TRIM2: variants seen among roughly 807,000 people sequenced by gnomAD.
TRIM2 encodes the protein tripartite motif-containing protein 2.
In TRIM2, 20 loss-of-function variants were observed where a neutral mutation model predicts 75.2. The observed-to-expected ratio is 0.27, with a 90% CI of 0.19 to 0.39. The LOEUF is 0.39. Ranked by LOEUF, TRIM2 falls within the 10% of genes least tolerant of loss-of-function variation. The pLI is 1.00. For missense variants in TRIM2, 660 were observed against 990.8 expected, an observed-to-expected ratio of 0.67 and a Z score of 4.48; for synonymous variants, 373 against 388.3, an observed-to-expected ratio of 0.96 and a Z score of 0.46.
At chr4:153,219,371 C>T (rs1285725844) in intron 1 of TRIM2, among the ~76,000 whole-genome samples, 2 of 152,230 alleles carry the variant, frequency 1.3e-5, no homozygotes, top group East Asian at 3.9e-4. Context: ...CTTTATGGGT[C>T]CTGAGAACTT....
intron 2 of TRIM2, among the ~76,000 whole-genome samples, chr4:153,273,529 G>A (rs547100730): frequency 3.7e-4 from 53 of 142,064 alleles, no homozygotes; most frequent in African/African-American, 1.1e-3. Flanking sequence ...TCCTGCCCTC[G>A]TGATCCACCC....
chr4:153,328,788 T>C (rs1770813410), intron 11 of TRIM2, 118 bp downstream of exon 11: 7 of 1,138,382 alleles, frequency 6.1e-6, no homozygotes, highest in African/African-American at 3.2e-5. Flanking sequence ...CATAGAACCA[T>C]AGATACTCTC....
At chr4:153,310,197 T>C (rs1765948924) in intron 6 of TRIM2, 1 of 152,236 alleles carries the variant, frequency 6.6e-6, no homozygotes, top group African/African-American at 2.4e-5. Context: ...ATTCTTGTTA[T>C]TCATTCTACT....
chr4:153,294,505 A>G lies in TRIM2; in HGVS notation c.786+20A>G. The G allele has an allele frequency of 1.2e-6, 2 of 1,608,804 alleles. No homozygotes were observed. The highest frequency in any genetic ancestry group is 1.7e-6 in the Non-Finnish European group (2 of 1,176,496). On this transcript the variant is annotated intron_variant, in intron 5 of 11. Transcript: ENST00000338700. ...CACAAAGTAAGACCAGAATCATTACAGATGTCCTGGAAGAGACATGATATC... is the reference window on the plus strand; with the variant it reads ...CACAAAGTAAGACCAGAATCATTACGGATGTCCTGGAAGAGACATGATATC...
intron 3 of TRIM2, among the ~76,000 whole-genome samples, chr4:153,281,200 T>G (rs1269737998): frequency 1.3e-5 from 2 of 152,214 alleles, no homozygotes; most frequent in African/African-American, 4.8e-5. Context: ...GTATGTATGG[T>G]GAGACATTTT....
intron 1 of TRIM2, among the ~76,000 whole-genome samples, chr4:153,243,873 C>T (rs1307137731): frequency 1.4e-5 from 2 of 140,446 alleles, no homozygotes; most frequent in African/African-American, 5.3e-5. Context: ...GGAGAGAGAG[C>T]AGTGGCACAA....
At chr4:153,194,091 C>T (rs1346296567) in intron 1 of TRIM2, among the ~76,000 whole-genome samples, 2 of 151,872 alleles carry the variant, frequency 1.3e-5, no homozygotes, top group African/African-American at 2.4e-5. Flanking sequence ...CAGTGGCTTA[C>T]GCAAAACAAG....
intron 1 of TRIM2, among the ~76,000 whole-genome samples, chr4:153,181,584 C>T (rs984239822): frequency 5.3e-5 from 8 of 152,206 alleles, no homozygotes; most frequent in Admixed American, 2.6e-4. Flanking sequence ...ACAGCTCTGG[C>T]GTTCAACCTT....
At chr4:153,222,305 C>G (rs1012483871) in intron 1 of TRIM2, 2 of 152,120 alleles carry the variant, frequency 1.3e-5, no homozygotes, top group African/African-American at 4.8e-5. Context: ...CTCTCTCAGC[C>G]CCGTCAAGCT....
intron 1 of TRIM2, among the ~76,000 whole-genome samples, chr4:153,218,365 A>C (rs1739057596): frequency 6.6e-6 from 1 of 151,784 alleles, no homozygotes; most frequent in Non-Finnish European, 1.5e-5. Context: ...GCACCACCAC[A>C]CTCAGCTAAT....
intron 1 of TRIM2, among the ~76,000 whole-genome samples, chr4:153,157,649 C>T (rs1729358699): frequency 6.6e-6 from 1 of 152,154 alleles, no homozygotes; most frequent in South Asian, 2.1e-4. Context: ...TGATTCTTTT[C>T]CTGGAATCAT....
intron 1 of TRIM2, among the ~76,000 whole-genome samples, chr4:153,241,661 C>T (rs1294388181): frequency 6.6e-6 from 1 of 152,152 alleles, no homozygotes; most frequent in African/African-American, 2.4e-5. Context: ...GGAGCGGGAA[C>T]CTTGCATTAA....
intron 1 of TRIM2, among the ~76,000 whole-genome samples, chr4:153,255,516 A>G (rs1751865512): frequency 6.6e-6 from 1 of 152,224 alleles, no homozygotes; most frequent in Admixed American, 6.5e-5. Flanking sequence ...GTAGTAAGTC[A>G]GACACCTGTC....
chr4:153,331,339 A>G (rs1449403248), intron 11 of TRIM2, among the ~76,000 whole-genome samples: 1 of 152,196 alleles, frequency 6.6e-6, no homozygotes, highest in Non-Finnish European at 1.5e-5. Flanking sequence ...AAAAACAAAA[A>G]AAAATTATAT....
chr4:153,243,733 C>G (rs1295591486), intron 1 of TRIM2, among the ~76,000 whole-genome samples: 2 of 151,898 alleles, frequency 1.3e-5, no homozygotes, highest in Non-Finnish European at 2.9e-5. Context: ...GCTAGATAAG[C>G]AAATTCTTTA....
intron 1 of TRIM2, among the ~76,000 whole-genome samples, chr4:153,255,427 G>T (rs532678788): frequency 6.6e-6 from 1 of 152,300 alleles, no homozygotes; most frequent in South Asian, 2.1e-4. Context: ...GAATGTGCTG[G>T]GGGGCGGGGT....
chr4:153,294,537 C>T, intron 5 of TRIM2, 52 bp downstream of exon 5: 1 of 1,575,636 alleles, frequency 6.3e-7, no homozygotes, highest in Non-Finnish European at 8.6e-7. Flanking sequence ...TATCCAAGGG[C>T]ACTAGCTTAT....
chr4:153,231,844 A>G (rs1203618511), intron 1 of TRIM2, among the ~76,000 whole-genome samples: 1 of 152,140 alleles, frequency 6.6e-6, no homozygotes, highest in African/African-American at 2.4e-5. Flanking sequence ...GGCCCACTCT[A>G]ATGACTTCAT....
chr4:153,239,371 C>T (rs116353241), intron 1 of TRIM2, among the ~76,000 whole-genome samples: 2,070 of 151,028 alleles, frequency 0.014, 41 homozygotes, highest in East Asian at 0.079. Flanking sequence ...AAAAAAAGAA[C>T]TCTGGCTTTG....
Sources: gnomAD v4.1 joint callset for allele counts (sites outside exome capture counted in the v4.1 genomes callset) on GRCh38, gnomAD v4.1.1 for gene constraint, MANE v1.5 for transcripts, NCBI Gene and HGNC (gene_info 2026-07-23, HGNC 2026-07-21) for gene names.